Variants in DACH1 observed in about 807,000 individuals in gnomAD.
The protein encoded by DACH1 is dachshund family transcription factor 1.
In DACH1, 12 loss-of-function variants were observed where a neutral mutation model predicts 54.2. That is an observed-to-expected ratio of 0.22 (90% CI 0.14 to 0.36). The LOEUF (loss-of-function observed/expected upper bound fraction) is 0.36. DACH1 is among the 10% of genes least tolerant of loss of function. The probability of loss-of-function intolerance (pLI) is 1.00; values close to 1 mark genes in which losing one functional copy is unlikely to be tolerated. For missense variants in DACH1, 805 were observed against 929.8 expected, an observed-to-expected ratio of 0.87 and a Z score of 1.75; for synonymous variants, 386 against 366.2, an observed-to-expected ratio of 1.05 and a Z score of -0.62.
At chr13:71,519,797 T>G (rs1881434709) in intron 6 of DACH1, among the ~76,000 whole-genome samples, 1 of 146,378 alleles carries the variant, frequency 6.8e-6, no homozygotes, top group African/African-American at 2.5e-5. Flanking sequence ...AATTAATAAA[T>G]GAAATAATTC....
intron 1 of DACH1, among the ~76,000 whole-genome samples, chr13:71,763,017 C>T (rs1210293325): frequency 6.6e-6 from 1 of 152,052 alleles, no homozygotes; most frequent in African/African-American, 2.4e-5. Flanking sequence ...TTGGAATAAT[C>T]CCCCATGTAT....
chr13:71,628,228 G>A (rs577116084), intron 3 of DACH1, among the ~76,000 whole-genome samples: 13 of 152,082 alleles, frequency 8.5e-5, no homozygotes, highest in Admixed American at 5.9e-4. Context: ...GATCTTTGAT[G>A]CAGCTCAACC....
intron 3 of DACH1, 119 bp downstream of exon 3, chr13:71,630,437 T>C (rs1877006385): frequency 7.0e-7 from 1 of 1,425,466 alleles, no homozygotes; most frequent in Non-Finnish European, 9.2e-7. Flanking sequence ...CATACAGTGT[T>C]TTCAAGCTAA....
chr13:71,630,250 C>T (rs1876989644), intron 3 of DACH1, among the ~76,000 whole-genome samples: 1 of 152,070 alleles, frequency 6.6e-6, no homozygotes, highest in Admixed American at 6.6e-5. Flanking sequence ...ACCTTAGCTA[C>T]TCTCAATGTT....
chr13:71,628,759 C>T (rs540645045), intron 3 of DACH1, among the ~76,000 whole-genome samples: 86 of 152,230 alleles, frequency 5.6e-4, no homozygotes, highest in Non-Finnish European at 1.1e-3. Flanking sequence ...TTGTCATGTA[C>T]TATCAAATAT....
intron 2 of DACH1, among the ~76,000 whole-genome samples, chr13:71,676,631 A>C (rs1453964471): frequency 6.6e-6 from 1 of 152,212 alleles, no homozygotes; most frequent in Non-Finnish European, 1.5e-5. Flanking sequence ...GTTGCTGTTT[A>C]CTATTTAGTA....
intron 3 of DACH1, among the ~76,000 whole-genome samples, chr13:71,578,004 A>C (rs1341384531): frequency 6.6e-6 from 1 of 152,218 alleles, no homozygotes; most frequent in East Asian, 1.9e-4. Flanking sequence ...TTTTAGATAG[A>C]AGACACATAA....
chr13:71,687,414 G>T (rs981832090), intron 1 of DACH1, among the ~76,000 whole-genome samples: 7 of 152,150 alleles, frequency 4.6e-5, no homozygotes, highest in African/African-American at 1.7e-4. Flanking sequence ...CAAACCTGCA[G>T]ATATGGGCGT....
rs941741558 is a variant in DACH1, at chr13:71,733,450, G to A, written c.849-51540C>T. Among the ~76,000 whole-genome samples the A allele has an allele frequency of 3.3e-5, 5 of 152,150 alleles. No individual in the cohort carries two copies. In the East Asian group the frequency reaches 5.8e-4, roughly 18 times the overall value. ...GCCTATCTCAGCCTCCCAAACTGCC[G>A]GGATTACAGGTGTGACCAACACACC... On this transcript the variant is annotated intron_variant, in intron 1 of 10. Coordinates refer to ENST00000613252, the MANE Select transcript of DACH1 (RefSeq NM_080759.6).
intron 1 of DACH1, among the ~76,000 whole-genome samples, chr13:71,759,227 G>A (rs1885298786): frequency 6.6e-6 from 1 of 151,962 alleles, no homozygotes; most frequent in Admixed American, 6.6e-5. Flanking sequence ...AAAAAAGATA[G>A]GCATTTATAG....
intron 1 of DACH1, 81 bp downstream of exon 1, chr13:71,865,841 G>C: frequency 4.4e-6 from 6 of 1,358,378 alleles, no homozygotes; most frequent in South Asian, 1.9e-5. Context: ...CAGAGCGAGC[G>C]GCGCCGGGAA....
intron 10 of DACH1, among the ~76,000 whole-genome samples, chr13:71,474,606 C>T (rs536405978): frequency 6.6e-6 from 1 of 152,092 alleles, no homozygotes; most frequent in Non-Finnish European, 1.5e-5. Context: ...TATGATTTTA[C>T]TCAGCAGATT....
At chr13:71,801,541 T>C (rs1887287650) in intron 1 of DACH1, among the ~76,000 whole-genome samples, 1 of 152,106 alleles carries the variant, frequency 6.6e-6, no homozygotes, top group Non-Finnish European at 1.5e-5. Flanking sequence ...CAAAAAAGTT[T>C]ATCTCTAGAA....
At chr13:71,704,864 C>T (rs1882354266) in intron 1 of DACH1, among the ~76,000 whole-genome samples, 1 of 151,742 alleles carries the variant, frequency 6.6e-6, no homozygotes, top group Non-Finnish European at 1.5e-5. Flanking sequence ...ACAAATTGCT[C>T]AATTGGCTAG....
At chr13:71,582,375 G>A (rs964462852) in intron 3 of DACH1, among the ~76,000 whole-genome samples, 1 of 151,948 alleles carries the variant, frequency 6.6e-6, no homozygotes, top group Non-Finnish European at 1.5e-5. Context: ...CATATCTTAG[G>A]CCCTCAATTA....
intron 2 of DACH1, among the ~76,000 whole-genome samples, chr13:71,649,339 C>T (rs1008145549): frequency 3.9e-5 from 6 of 152,260 alleles, no homozygotes; most frequent in Non-Finnish European, 5.9e-5. Context: ...TTAAGGGAGA[C>T]ATGAATGTAC....
At chr13:71,699,394 A>G (rs1881997861) in intron 1 of DACH1, among the ~76,000 whole-genome samples, 1 of 152,232 alleles carries the variant, frequency 6.6e-6, no homozygotes, top group Non-Finnish European at 1.5e-5. Flanking sequence ...TGACTTTTTC[A>G]AAAACTAGCT....
At chr13:71,673,610 G>A (rs995727685) in intron 2 of DACH1, among the ~76,000 whole-genome samples, 1 of 151,988 alleles carries the variant, frequency 6.6e-6, no homozygotes, top group Non-Finnish European at 1.5e-5. Flanking sequence ...GTGCCTGTTG[G>A]GGGGTGTGGG....
chr13:71,447,991 T>G (rs1430816693), intron 10 of DACH1, among the ~76,000 whole-genome samples: 2 of 152,172 alleles, frequency 1.3e-5, no homozygotes, highest in East Asian at 3.9e-4. Context: ...GCAAATAGAT[T>G]TCTATTCCAG....
Sources: allele counts gnomAD v4.1 joint callset (sites outside exome capture counted in the v4.1 genomes callset), GRCh38; gene constraint gnomAD v4.1.1; transcripts MANE v1.5; gene names NCBI Gene and HGNC (gene_info 2026-07-23, HGNC 2026-07-21).